PPP2CA: variants seen among roughly 807,000 people sequenced by gnomAD.
PPP2CA encodes the protein serine/threonine-protein phosphatase 2A catalytic subunit alpha isoform.
In PPP2CA, 5 loss-of-function variants were observed where a neutral mutation model predicts 38.8. The observed-to-expected ratio is 0.13, with a 90% CI of 0.07 to 0.27. The LOEUF (loss-of-function observed/expected upper bound fraction) is 0.27, where lower values mean the gene tolerates loss of function less well. PPP2CA is among the 10% of genes least tolerant of loss of function. The pLI is 1.00. For synonymous variants in PPP2CA, 152 were observed against 134.0 expected (o/e 1.13, Z -0.93); for missense variants, 88 against 389.7 (o/e 0.23, Z 6.52).
rs960298494 is a variant in PPP2CA, at chr5:134,196,115, G to A, written c.*1657C>T. On this transcript the variant is annotated 3_prime_UTR_variant, in exon 7 of 7. Coordinates refer to ENST00000481195, the MANE Select transcript of PPP2CA (RefSeq NM_002715.4). ...TGAAATGAAATGTAGAAACCCTAAT[G>A]GCCTTTTGCTTTGGAAAATTAACTC... 2 of 152,128 alleles carry A rather than the reference G, an allele frequency of 1.3e-5. No individual in the cohort carries two copies. Among genetic ancestry groups the A allele is most frequent in the East Asian group, 3.8e-4 (2 of 5,198 alleles). The allele number at this position is 152,128 out of a possible 1,614,324, so 9.4% of individuals were successfully genotyped here.
chr5:134,224,837 T>C (rs1007649881), intron 1 of PPP2CA, among the ~76,000 whole-genome samples: 1 of 152,256 alleles, frequency 6.6e-6, no homozygotes, highest in Non-Finnish European at 1.5e-5. Context: ...CTAAGCACAA[T>C]GTCTGGAATA....
At chr5:134,206,251 G>A (rs1455513799) in intron 1 of PPP2CA, 120 bp from the exon 2 acceptor site, 1 of 820,508 alleles carries the variant, frequency 1.2e-6, no homozygotes. Flanking sequence ...AAAATTGCAG[G>A]CATTTATGAA....
At position 134,225,653 on chromosome 5, in the gene PPP2CA, G is replaced by T. The variant is rs879188401; in HGVS notation, c.102+107C>A. The stretch of plus-strand genomic sequence containing the variant: ...GATGGGCGCCGGTCTCGGAGACTCG[G>T]GGGGCCCGGACCGGCGGCCTCCGCC... On this transcript the variant is annotated intron_variant, in intron 1 of 6. Coordinates refer to ENST00000481195, the MANE Select transcript of PPP2CA (RefSeq NM_002715.4). 6.1e-6 allele frequency: 6 copies of T among 981,894 alleles called. No homozygotes were observed. In the East Asian group the frequency reaches 1.2e-4, roughly 20 times the overall value. 60.8% of individuals were successfully genotyped at this position (981,894 alleles called of 1,614,324 possible). A position where few individuals can be genotyped will look rare whatever the true frequency, so the allele number is the denominator to read the frequency against.
chr5:134,197,928 C>T, intron 6 of PPP2CA, 84 bp from the exon 7 acceptor site: 1 of 1,123,248 alleles, frequency 8.9e-7, no homozygotes, highest in South Asian at 1.3e-5. Context: ...GTCTTCCAAA[C>T]TTTACACTTC....
intron 2 of PPP2CA, chr5:134,202,351 T>G (rs1360392994): frequency 5.1e-6 from 1 of 195,586 alleles, no homozygotes; most frequent in African/African-American, 2.4e-5. Flanking sequence ...CACAATCCAG[T>G]TTTAGAACCT....
chr5:134,201,730 A>G (rs1761970769), intron 3 of PPP2CA, 118 bp downstream of exon 3: 5 of 1,116,846 alleles, frequency 4.5e-6, no homozygotes, highest in East Asian at 5.4e-5. Flanking sequence ...AATGCTATCA[A>G]TATCTATTAA....
At chr5:134,224,576 A>C (rs946330293) in intron 1 of PPP2CA, among the ~76,000 whole-genome samples, 2 of 152,228 alleles carry the variant, frequency 1.3e-5, no homozygotes, top group Admixed American at 1.3e-4. Context: ...TTCTGTACTA[A>C]AGTGACGTGC....
Position 134,225,954 on chromosome 5 carries a change from C to T in PPP2CA, c.-93G>A, listed in dbSNP as rs1762572129. On this transcript the variant is annotated 5_prime_UTR_variant, in exon 1 of 7. Transcript: ENST00000481195. ...CACGCACACGCCGCCGCCGGTTCCT[C>T]GTGTACTTCTGGCGGCTGTTGAGGC... The T allele has an allele frequency of 2.5e-6, 3 of 1,204,430 alleles. No homozygotes were observed. The highest frequency in any genetic ancestry group is 2.6e-5 in the South Asian group (2 of 76,212). 74.6% of individuals were successfully genotyped at this position (1,204,430 alleles called of 1,614,324 possible).
intron 1 of PPP2CA, among the ~76,000 whole-genome samples, chr5:134,210,262 T>C (rs1356802731): frequency 6.6e-6 from 1 of 152,230 alleles, no homozygotes; most frequent in African/African-American, 2.4e-5. Context: ...AAGATGGTTA[T>C]ACAATCTCAA....
At chr5:134,200,886 T>G in intron 4 of PPP2CA, 99 bp downstream of exon 4, 6 of 1,040,474 alleles carry the variant, frequency 5.8e-6, no homozygotes, top group Non-Finnish European at 8.7e-6. Flanking sequence ...AAGTTGTTTT[T>G]GAGAATTATA....
chr5:134,207,776 T>C (rs1417219983), intron 1 of PPP2CA, among the ~76,000 whole-genome samples: 1 of 152,224 alleles, frequency 6.6e-6, no homozygotes, highest in African/African-American at 2.4e-5. Context: ...CTCAAACTCC[T>C]GAGCTTAAAT....
chr5:134,194,575 AATTTTCTTAAGT>A lies in PPP2CA; in HGVS notation c.*3185_*3196del, dbSNP rs1181888055. On this transcript the variant is annotated 3_prime_UTR_variant, in exon 7 of 7. Coordinates refer to ENST00000481195, the MANE Select transcript of PPP2CA (RefSeq NM_002715.4). ...TCCATGAACCACCACCATGTATCCCAATTTTCTTAAGTATGTACTTAGGAAACAGCAGTGAGG... is the reference window on the plus strand; with the variant it reads ...TCCATGAACCACCACCATGTATCCCAATGTACTTAGGAAACAGCAGTGAGG... 2 of 152,204 alleles carry A rather than the reference AATTTTCTTAAGT, an allele frequency of 1.3e-5. No individual in the cohort carries two copies. Among genetic ancestry groups the A allele is most frequent in the African/African-American group, 4.8e-5 (2 of 41,436 alleles). The allele number at this position is 152,204 out of a possible 1,614,324, so 9.4% of individuals were successfully genotyped here. A position where few individuals can be genotyped will look rare whatever the true frequency, so the allele number is the denominator to read the frequency against.
chr5:134,213,416 G>GAAA (rs56697097), intron 1 of PPP2CA, among the ~76,000 whole-genome samples: 2 of 148,048 alleles, frequency 1.4e-5, no homozygotes, highest in African/African-American at 2.5e-5. Flanking sequence ...CTACTGCTCA[G>GAAA]AAAAAAAAAA....
chr5:134,215,230 C>T (rs1169229887), intron 1 of PPP2CA, among the ~76,000 whole-genome samples: 1 of 151,872 alleles, frequency 6.6e-6, no homozygotes, highest in Non-Finnish European at 1.5e-5. Flanking sequence ...CACAGAGTAG[C>T]TAGAACCACA....
At chr5:134,222,188 T>C (rs1762461019) in intron 1 of PPP2CA, among the ~76,000 whole-genome samples, 1 of 152,096 alleles carries the variant, frequency 6.6e-6, no homozygotes, top group South Asian at 2.1e-4. Flanking sequence ...GTCTTTGAGT[T>C]GCATCTGTAA....
intron 1 of PPP2CA, among the ~76,000 whole-genome samples, chr5:134,221,430 A>G (rs1193213328): frequency 6.6e-6 from 1 of 152,156 alleles, no homozygotes; most frequent in Non-Finnish European, 1.5e-5. Flanking sequence ...GAGGCATTTT[A>G]TAAGTTGCAA....
At chr5:134,225,712 G>T in intron 1 of PPP2CA, 48 bp downstream of exon 1, 2 of 1,559,116 alleles carry the variant, frequency 1.3e-6, no homozygotes, top group South Asian at 1.1e-5. Context: ...CCTTTTCCTC[G>T]GCGGGCTCGG....
At chr5:134,203,264 G>C (rs866560859) in intron 2 of PPP2CA, among the ~76,000 whole-genome samples, 1 of 152,102 alleles carries the variant, frequency 6.6e-6, no homozygotes, top group Non-Finnish European at 1.5e-5. Flanking sequence ...ATTTATTCTA[G>C]AAGTTTTGTA....
rs576498023 is a variant in PPP2CA, at chr5:134,224,049, T to TC, written c.102+1710dup. Among the ~76,000 whole-genome samples the TC allele has an allele frequency of 1.6e-3, 251 of 152,328 alleles. 2 individuals are homozygous for TC. The highest frequency in any genetic ancestry group is 5.8e-3 in the African/African-American group (241 of 41,576). ...TGTCCAAATCTAACTCGCAGTCCAG[T>TC]CTTCCAGTTACGTCATTACCTCCCT... On this transcript the variant is annotated intron_variant, in intron 1 of 6. Coordinates refer to ENST00000481195, the MANE Select transcript of PPP2CA (RefSeq NM_002715.4).
Sources: allele counts gnomAD v4.1 joint callset (sites outside exome capture counted in the v4.1 genomes callset), GRCh38; gene constraint gnomAD v4.1.1; transcripts MANE v1.5; gene names NCBI Gene and HGNC (gene_info 2026-07-23, HGNC 2026-07-21).